The following SPPL3 variants were observed in gnomAD, a reference collection of about 807,000 sequenced individuals.
The protein encoded by SPPL3 is signal peptide peptidase like 3.
In SPPL3, 5 loss-of-function variants were observed where a neutral mutation model predicts 42.4. That is an observed-to-expected ratio of 0.12 (90% CI 0.06 to 0.25). The LOEUF (loss-of-function observed/expected upper bound fraction) is 0.25. Ranked by LOEUF, SPPL3 falls within the 10% of genes least tolerant of loss-of-function variation. The probability of loss-of-function intolerance (pLI) is 1.00; values close to 1 mark genes in which losing one functional copy is unlikely to be tolerated. For synonymous variants in SPPL3, 195 were observed against 181.8 expected, an observed-to-expected ratio of 1.07 and a Z score of -0.58; for missense variants, 235 against 489.0, an observed-to-expected ratio of 0.48 and a Z score of 4.90.
At chr12:120,782,245 C>A (rs1869570192) in intron 6 of SPPL3, among the ~76,000 whole-genome samples, 1 of 152,112 alleles carries the variant, frequency 6.6e-6, no homozygotes, top group Non-Finnish European at 1.5e-5. Flanking sequence ...TCATAATAGC[C>A]TAAAAAGTGG....
intron 2 of SPPL3, among the ~76,000 whole-genome samples, chr12:120,802,431 A>ATT (rs1166451844): frequency 0.063 from 6,576 of 104,266 alleles, 232 homozygotes; most frequent in African/African-American, 0.1. Context: ...ATATATATAT[A>ATT]TTTTTTTTTT....
intron 2 of SPPL3, among the ~76,000 whole-genome samples, chr12:120,803,934 G>A (rs1870409025): frequency 6.6e-6 from 1 of 152,108 alleles, no homozygotes; most frequent in Non-Finnish European, 1.5e-5. Flanking sequence ...TGACAATTGT[G>A]AACCATAGTG....
intron 2 of SPPL3, 21 bp downstream of exon 2, chr12:120,810,788 C>T (rs1362938061): frequency 1.9e-6 from 3 of 1,576,950 alleles, no homozygotes; most frequent in Non-Finnish European, 2.6e-6. Flanking sequence ...CTTGTATCAA[C>T]CCCATTTGAG....
At chr12:120,833,824 A>G (rs1452783885) in intron 1 of SPPL3, among the ~76,000 whole-genome samples, 1 of 151,232 alleles carries the variant, frequency 6.6e-6, no homozygotes, top group East Asian at 1.9e-4. Context: ...TTCAAGTGAC[A>G]GAGGAATATT....
At chr12:120,767,809 G>A (rs1868966544) in intron 8 of SPPL3, among the ~76,000 whole-genome samples, 1 of 152,320 alleles carries the variant, frequency 6.6e-6, no homozygotes. Flanking sequence ...CCTGTTTCAG[G>A]AGAGCCCCTT....
chr12:120,782,620 G>T, intron 6 of SPPL3, 35 bp downstream of exon 6: 1 of 1,463,260 alleles, frequency 6.8e-7, no homozygotes, highest in Non-Finnish European at 9.4e-7. Flanking sequence ...ACTCTATAAA[G>T]TAAAATTACA....
chr12:120,851,666 C>T (rs1872229142), intron 1 of SPPL3, among the ~76,000 whole-genome samples: 1 of 152,060 alleles, frequency 6.6e-6, no homozygotes, highest in Admixed American at 6.6e-5. Flanking sequence ...TGCAGTGGCG[C>T]AAACACGACT....
chr12:120,780,597 A>AG (rs1420731042), intron 6 of SPPL3, among the ~76,000 whole-genome samples: 1 of 151,472 alleles, frequency 6.6e-6, no homozygotes, highest in African/African-American at 2.4e-5. Flanking sequence ...TAAAAAAAAA[A>AG]AAAAAAAAAG....
At chr12:120,783,593 G>T (rs1869615817) in intron 5 of SPPL3, 81 bp downstream of exon 5, 2 of 1,303,600 alleles carry the variant, frequency 1.5e-6, no homozygotes, top group Non-Finnish European at 2.1e-6. Context: ...AACAGAAATT[G>T]AGAATCCTAA....
intron 1 of SPPL3, among the ~76,000 whole-genome samples, chr12:120,879,243 T>C (rs1428461849): frequency 6.6e-6 from 1 of 152,048 alleles, no homozygotes; most frequent in Admixed American, 6.6e-5. Flanking sequence ...AGCACATTAC[T>C]TTTGAGTTAC....
intron 2 of SPPL3, among the ~76,000 whole-genome samples, chr12:120,797,163 A>T (rs537898890): frequency 1.8e-4 from 28 of 152,252 alleles, no homozygotes; most frequent in Admixed American, 7.8e-4. Context: ...TGAGACTCCA[A>T]CTCAAAACAA....
chr12:120,775,901 TA>T (rs201928976), intron 6 of SPPL3, among the ~76,000 whole-genome samples: 7 of 148,210 alleles, frequency 4.7e-5, no homozygotes, highest in South Asian at 2.1e-4. Flanking sequence ...AAACACTAAT[TA>T]AAAAAAAAAC....
intron 1 of SPPL3, among the ~76,000 whole-genome samples, chr12:120,865,700 A>G (rs1299547136): frequency 6.6e-6 from 1 of 152,196 alleles, no homozygotes; most frequent in Non-Finnish European, 1.5e-5. Flanking sequence ...CCCAGGGAGG[A>G]GCCTACGCTC....
intron 6 of SPPL3, among the ~76,000 whole-genome samples, chr12:120,774,372 G>A (rs770809877): frequency 8.5e-5 from 13 of 152,058 alleles, no homozygotes; most frequent in Non-Finnish European, 1.6e-4. Flanking sequence ...TCTCTATGAC[G>A]AATCAAGTCT....
intron 2 of SPPL3, among the ~76,000 whole-genome samples, chr12:120,796,610 C>T (rs1293106705): frequency 1.3e-5 from 2 of 151,932 alleles, no homozygotes; most frequent in Non-Finnish European, 2.9e-5. Context: ...ATTTTTTATT[C>T]CTATTAATTT....
chr12:120,880,420 T>C (rs1308374177), intron 1 of SPPL3, among the ~76,000 whole-genome samples: 10 of 152,000 alleles, frequency 6.6e-5, no homozygotes, highest in Admixed American at 6.6e-4. Context: ...AATTGAACCT[T>C]ATCAAAAGTA....
chr12:120,837,356 T>G (rs1218478015), intron 1 of SPPL3, among the ~76,000 whole-genome samples: 1 of 152,228 alleles, frequency 6.6e-6, no homozygotes, highest in Non-Finnish European at 1.5e-5. Flanking sequence ...TTTCCTCATA[T>G]TTTAACAACT....
chr12:120,817,219 C>T (rs967293323), intron 1 of SPPL3, among the ~76,000 whole-genome samples: 1 of 152,010 alleles, frequency 6.6e-6, no homozygotes, highest in Non-Finnish European at 1.5e-5. Flanking sequence ...CCTTTGAGCC[C>T]ACAAGTTTCA....
At chr12:120,851,925 C>T (rs575706642) in intron 1 of SPPL3, among the ~76,000 whole-genome samples, 3 of 152,298 alleles carry the variant, frequency 2.0e-5, no homozygotes, top group African/African-American at 7.2e-5. Context: ...GATTTTCAAA[C>T]AGTACTGCTT....
Sources: allele counts gnomAD v4.1 joint callset (sites outside exome capture counted in the v4.1 genomes callset), GRCh38; gene constraint gnomAD v4.1.1; transcripts MANE v1.5; gene names NCBI Gene and HGNC (gene_info 2026-07-23, HGNC 2026-07-21).